HS3ST5: variants seen among roughly 807,000 people sequenced by gnomAD.
HS3ST5 encodes heparan sulfate glucosamine 3-O-sulfotransferase 5.
A neutral mutation model predicts 25.4 loss-of-function variants in HS3ST5; 10 were observed. That is an observed-to-expected ratio of 0.39 (90% confidence interval 0.24 to 0.67). The LOEUF (loss-of-function observed/expected upper bound fraction) is 0.67, where lower values mean the gene tolerates loss of function less well. HS3ST5 is among the 30% of genes least tolerant of loss of function. HS3ST5 has a pLI of 0.44. For synonymous variants in HS3ST5, 170 were observed against 162.4 expected (o/e 1.05, Z -0.36); for missense variants, 324 against 420.7 (o/e 0.77, Z 2.01).
intron 2 of HS3ST5, among the ~76,000 whole-genome samples, chr6:114,179,943 G>C (rs1022775558): frequency 4.6e-5 from 7 of 152,210 alleles, no homozygotes; most frequent in African/African-American, 1.7e-4. Flanking sequence ...TTTGAGGGCA[G>C]GAAGCATCCA....
chr6:114,207,197 C>T (rs901451851), intron 2 of HS3ST5, among the ~76,000 whole-genome samples: 1 of 152,110 alleles, frequency 6.6e-6, no homozygotes, highest in African/African-American at 2.4e-5. Context: ...ATTTCTTTGT[C>T]CCTCAGAGTA....
chr6:114,175,706 T>C (rs563458179), intron 2 of HS3ST5, among the ~76,000 whole-genome samples: 1 of 152,296 alleles, frequency 6.6e-6, no homozygotes, highest in South Asian at 2.1e-4. Flanking sequence ...GCCACAGCAG[T>C]ATTTTTCTTA....
At chr6:114,275,305 A>T (rs763685419) in intron 1 of HS3ST5, among the ~76,000 whole-genome samples, 1 of 152,072 alleles carries the variant, frequency 6.6e-6, no homozygotes, top group Non-Finnish European at 1.5e-5. Flanking sequence ...GTCAATAAAC[A>T]TATAACTAAT....
chr6:114,205,350 T>C, intron 2 of HS3ST5, among the ~76,000 whole-genome samples: 1 of 152,086 alleles, frequency 6.6e-6, no homozygotes, highest in African/African-American at 2.4e-5. Context: ...ATAACCAGCC[T>C]ATTATTAAGG....
intron 3 of HS3ST5, among the ~76,000 whole-genome samples, chr6:114,089,943 T>C (rs940098112): frequency 5.4e-4 from 82 of 152,342 alleles, no homozygotes; most frequent in African/African-American, 1.8e-3. Context: ...ATTGTTAAAC[T>C]GGCTTCCCAA....
intron 2 of HS3ST5, among the ~76,000 whole-genome samples, chr6:114,209,938 A>C (rs1198221847): frequency 1.3e-5 from 2 of 152,178 alleles, no homozygotes; most frequent in Non-Finnish European, 2.9e-5. Flanking sequence ...CTTTCAATGT[A>C]TCTTGGGCTT....
chr6:114,341,161 G>GGGGA (rs1215257052), intron 1 of HS3ST5, among the ~76,000 whole-genome samples: 4 of 137,504 alleles, frequency 2.9e-5, no homozygotes, highest in East Asian at 4.1e-4. Flanking sequence ...GGGGGAGAGA[G>GGGGA]GGGAGGGAGG....
intron 2 of HS3ST5, among the ~76,000 whole-genome samples, chr6:114,169,241 A>G (rs1025103390): frequency 1.3e-5 from 2 of 152,154 alleles, no homozygotes; most frequent in Non-Finnish European, 2.9e-5. Flanking sequence ...ATAATGGCCT[A>G]GAAACCCATC....
intron 3 of HS3ST5, among the ~76,000 whole-genome samples, chr6:114,099,609 G>A (rs993664002): frequency 6.6e-6 from 1 of 152,044 alleles, no homozygotes; most frequent in East Asian, 1.9e-4. Flanking sequence ...CAAACTAAGT[G>A]GATTCAGCTC....
rs145720620 is a variant in HS3ST5, at chr6:114,323,438, A to G, written c.-339+18757T>C. ...GGGTGCTTACATTTTATCCTCAAAA[A>G]TCATTGTAACCCTTAGTTGACAGTA... On this transcript the variant is annotated intron_variant, in intron 1 of 4. Coordinates refer to ENST00000312719, the MANE Select transcript of HS3ST5 (RefSeq NM_153612.4). Among the ~76,000 whole-genome samples the G allele has an allele frequency of 1.1e-3, 171 of 152,266 alleles. 1 individual carries two copies. Among genetic ancestry groups the G allele is most frequent in the African/African-American group, 3.8e-3 (160 of 41,580 alleles).
intron 2 of HS3ST5, among the ~76,000 whole-genome samples, chr6:114,190,569 T>G (rs1380623459): frequency 6.6e-6 from 1 of 152,178 alleles, no homozygotes; most frequent in Non-Finnish European, 1.5e-5. Flanking sequence ...GATGACATCC[T>G]CAGAACAGAG....
intron 3 of HS3ST5, among the ~76,000 whole-genome samples, chr6:114,091,682 CA>C (rs528163340): frequency 2.2e-4 from 32 of 145,460 alleles, no homozygotes; most frequent in South Asian, 2.2e-4. Context: ...GACTCCATCT[CA>C]AAAAAAAAAA....
intron 1 of HS3ST5, among the ~76,000 whole-genome samples, chr6:114,288,976 A>G (rs1454238960): frequency 3.9e-5 from 6 of 152,074 alleles, no homozygotes; most frequent in Non-Finnish European, 5.9e-5. Flanking sequence ...AAAGCCTCAC[A>G]TGGTTCCTGG....
intron 3 of HS3ST5, among the ~76,000 whole-genome samples, chr6:114,109,835 C>G (rs1210610614): frequency 6.6e-6 from 1 of 152,204 alleles, no homozygotes; most frequent in Non-Finnish European, 1.5e-5. Flanking sequence ...TATATGCAAG[C>G]ATTGTGTTAG....
chr6:114,234,636 T>C (rs1771769014), intron 1 of HS3ST5, among the ~76,000 whole-genome samples: 1 of 152,166 alleles, frequency 6.6e-6, no homozygotes, highest in Admixed American at 6.5e-5. Context: ...AACGGAATGA[T>C]GGAAGAATAA....
chr6:114,273,970 A>G (rs1472158668), intron 1 of HS3ST5, among the ~76,000 whole-genome samples: 2 of 151,996 alleles, frequency 1.3e-5, no homozygotes. Flanking sequence ...GGAAGAAATA[A>G]CCATGTTTAC....
At chr6:114,147,589 T>C (rs559896719) in intron 3 of HS3ST5, among the ~76,000 whole-genome samples, 1 of 152,202 alleles carries the variant, frequency 6.6e-6, no homozygotes, top group Admixed American at 6.5e-5. Context: ...TTTTGAGGGG[T>C]GGCGGAGATG....
At chr6:114,331,074 G>A (rs1327785418) in intron 1 of HS3ST5, among the ~76,000 whole-genome samples, 1 of 152,116 alleles carries the variant, frequency 6.6e-6, no homozygotes, top group Non-Finnish European at 1.5e-5. Flanking sequence ...CAATATTTTG[G>A]AATATTAAAA....
chr6:114,069,995 A>G (rs1428516130), intron 3 of HS3ST5, among the ~76,000 whole-genome samples: 1 of 152,134 alleles, frequency 6.6e-6, no homozygotes, highest in East Asian at 1.9e-4. Flanking sequence ...ATCTTGTTAT[A>G]TGGATAAATC....
Sources: allele counts gnomAD v4.1 joint callset (sites outside exome capture counted in the v4.1 genomes callset), GRCh38; gene constraint gnomAD v4.1.1; transcripts MANE v1.5; gene names NCBI Gene and HGNC (gene_info 2026-07-23, HGNC 2026-07-21).